NCALD: variants seen among roughly 807,000 people sequenced by gnomAD.
NCALD encodes neurocalcin delta, also known as neurocalcin-delta.
In NCALD, 10 loss-of-function variants were observed where a neutral mutation model predicts 18.6. That is an observed-to-expected ratio of 0.54 (90% CI 0.33 to 0.91). NCALD has a LOEUF of 0.91. Ranked by LOEUF, NCALD falls within the 40% of genes least tolerant of loss-of-function variation. NCALD has a pLI of 0.03. For missense variants in NCALD, 184 were observed against 247.6 expected (o/e 0.74, Z 1.72); for synonymous variants, 88 against 87.4 (o/e 1.01, Z -0.04).
chr8:102,121,767 A>C (rs867676965), intron 1 of NCALD, among the ~76,000 whole-genome samples: 1 of 152,188 alleles, frequency 6.6e-6, no homozygotes. Flanking sequence ...CCTCGAGGGC[A>C]AGGATCCCAT....
At chr8:101,782,111 T>TATATATTTATATAATAC (rs780191699) in intron 1 of NCALD, among the ~76,000 whole-genome samples, 4,023 of 148,208 alleles carry the variant, frequency 0.027, 90 homozygotes, top group Middle Eastern at 0.05. Flanking sequence ...ACATATAATA[T>TATATATTTATATAATAC]ATATTTATAT....
intron 1 of NCALD, chr8:102,123,663 A>G (rs1222642189): frequency 6.6e-6 from 1 of 152,448 alleles, no homozygotes; most frequent in African/African-American, 2.4e-5. Context: ...TCAGGTCCTG[A>G]GTCCAAAATG....
At chr8:101,819,950 T>C (rs1359043929) in intron 4 of NCALD, among the ~76,000 whole-genome samples, 1 of 152,200 alleles carries the variant, frequency 6.6e-6, no homozygotes, top group Non-Finnish European at 1.5e-5. Flanking sequence ...AAACAGTGCC[T>C]AAAGCCACTC....
intron 2 of NCALD, among the ~76,000 whole-genome samples, chr8:101,940,509 G>C (rs943770738): frequency 6.6e-6 from 1 of 152,162 alleles, no homozygotes; most frequent in Non-Finnish European, 1.5e-5. Context: ...AACAGCACTA[G>C]ATATTTGAAT....
intron 2 of NCALD, among the ~76,000 whole-genome samples, chr8:101,961,524 GC>G (rs1164978267): frequency 9.2e-5 from 14 of 152,130 alleles, no homozygotes; most frequent in African/African-American, 3.4e-4. Context: ...AACTACTGTT[GC>G]CTAAGCAGCA....
At chr8:102,081,563 AAAAAAAAAAAAAACC>A (rs1824532915) in intron 1 of NCALD, among the ~76,000 whole-genome samples, 4 of 108,364 alleles carry the variant, frequency 3.7e-5, no homozygotes, top group Middle Eastern at 4.5e-3. Context: ...AAAAAAAAAA[AAAAAAAAAAAAAACC>A]CCAAAAAAAA....
chr8:101,835,490 AC>A (rs1814374873), intron 4 of NCALD, among the ~76,000 whole-genome samples: 1 of 152,254 alleles, frequency 6.6e-6, no homozygotes, highest in Non-Finnish European at 1.5e-5. Context: ...AGTCCTCACA[AC>A]CAAGAATTCT....
Position 101,759,994 on chromosome 8 carries a change from C to A in NCALD, c.-20+30868G>T, listed in dbSNP as rs143877184. The stretch of plus-strand genomic sequence containing the variant: ...CTGCGGTTCCCAAGGCCACACCAGA[C>A]CCCAAGGGGTTGGTCAAGTCAAAGA... On this transcript the variant is annotated intron_variant, in intron 1 of 3. Transcript: ENST00000220931. Among the ~76,000 whole-genome samples, 330 of 152,232 alleles carry A rather than the reference C, an allele frequency of 2.2e-3. 1 individual carries two copies. Among genetic ancestry groups the A allele is most frequent in the African/African-American group, 7.3e-3 (302 of 41,542 alleles).
At chr8:101,788,466 C>G (rs1420954039) in intron 1 of NCALD, among the ~76,000 whole-genome samples, 1 of 152,110 alleles carries the variant, frequency 6.6e-6, no homozygotes, top group East Asian at 1.9e-4. Flanking sequence ...ATCTTTTATG[C>G]TCACCATTAC....
At chr8:102,116,971 A>G (rs1043023010) in intron 1 of NCALD, among the ~76,000 whole-genome samples, 8 of 152,250 alleles carry the variant, frequency 5.3e-5, no homozygotes, top group Non-Finnish European at 1.2e-4. Context: ...GAGGAGAGAC[A>G]CACAGAGAAG....
At chr8:101,816,779 A>G (rs752734969) in intron 4 of NCALD, among the ~76,000 whole-genome samples, 1 of 152,142 alleles carries the variant, frequency 6.6e-6, no homozygotes, top group Non-Finnish European at 1.5e-5. Flanking sequence ...CCAGGGGTGA[A>G]CTGTAATGCA....
intron 4 of NCALD, among the ~76,000 whole-genome samples, chr8:101,860,420 C>G (rs530516845): frequency 6.6e-6 from 1 of 152,142 alleles, no homozygotes; most frequent in Non-Finnish European, 1.5e-5. Flanking sequence ...CTGATTGACA[C>G]AGGAGAGCAG....
chr8:101,806,885 C>CAA (rs113538590), intron 4 of NCALD, among the ~76,000 whole-genome samples: 10 of 134,276 alleles, frequency 7.4e-5, no homozygotes, highest in African/African-American at 2.2e-4. Flanking sequence ...AAGACAAAGA[C>CAA]AAAAAAAAAA....
chr8:102,089,848 C>A (rs79421534), intron 1 of NCALD, among the ~76,000 whole-genome samples: 27,046 of 152,098 alleles, frequency 0.18, 2,903 homozygotes, highest in African/African-American at 0.3. Context: ...TGTGTAGCTA[C>A]AGTTAAAAGG....
At chr8:101,996,953 C>A (rs1175723083) in intron 2 of NCALD, among the ~76,000 whole-genome samples, 1 of 152,208 alleles carries the variant, frequency 6.6e-6, no homozygotes, top group Non-Finnish European at 1.5e-5. Context: ...TACTACCTGC[C>A]TGCTCGAACA....
rs969100069 is a variant in NCALD at position 102,078,646 on chromosome 8, T to C, written c.-210+45591A>G. 3.9e-5 allele frequency among the ~76,000 whole-genome samples: 6 copies of C among 152,208 alleles called. No homozygotes were observed. The South Asian group carries it at 1.2e-3, about 32-fold the overall frequency. ...ACTCCTCACACACAACCTTGACTCATGCTGGCCTCTTTGCCTGGAATTGTC... is the reference window on the plus strand; with the variant it reads ...ACTCCTCACACACAACCTTGACTCACGCTGGCCTCTTTGCCTGGAATTGTC... On this transcript the variant is annotated intron_variant, in intron 1 of 6. Coordinates refer to the NCALD transcript ENST00000311028.
intron 1 of NCALD, among the ~76,000 whole-genome samples, chr8:102,122,090 G>A (rs946603564): frequency 6.6e-6 from 1 of 152,238 alleles, no homozygotes; most frequent in Non-Finnish European, 1.5e-5. Context: ...AATGATGCGA[G>A]GGCTACATCC....
intron 4 of NCALD, among the ~76,000 whole-genome samples, chr8:101,828,608 A>AT (rs1393909185): frequency 1.6e-4 from 23 of 143,716 alleles, no homozygotes; most frequent in South Asian, 6.6e-4. Flanking sequence ...TATATAACTC[A>AT]TTTTTTTTTA....
chr8:101,821,907 A>AAT (rs1813736969), intron 4 of NCALD, among the ~76,000 whole-genome samples: 1 of 142,176 alleles, frequency 7.0e-6, no homozygotes, highest in Non-Finnish European at 1.5e-5. Context: ...AAAAAAAAAA[A>AAT]TGTAATTTTT....
Sources: gnomAD v4.1 joint callset for allele counts (sites outside exome capture counted in the v4.1 genomes callset) on GRCh38, gnomAD v4.1.1 for gene constraint, MANE v1.5 for transcripts, NCBI Gene and HGNC (gene_info 2026-07-23, HGNC 2026-07-21) for gene names.